ANO6: variants seen among roughly 807,000 people sequenced by gnomAD.
ANO6 encodes anoctamin 6.
ANO6 carries 106 observed loss-of-function variants against 117.5 expected under a neutral mutation model. The observed-to-expected ratio is 0.90, with a 90% CI of 0.77 to 1.06. The LOEUF (loss-of-function observed/expected upper bound fraction) is 1.06. Ranked by LOEUF, ANO6 falls within the 50% of genes least tolerant of loss-of-function variation. ANO6 has a pLI of 0.00. For missense variants in ANO6, 955 were observed against 1,121.1 expected (o/e 0.85, Z 2.12); for synonymous variants, 367 against 385.1 (o/e 0.95, Z 0.55).
rs1429966746 is a variant in ANO6 at position 45,377,040 on chromosome 12, G to T, written c.1105-1013G>T. 2.0e-5 allele frequency among the ~76,000 whole-genome samples: 3 copies of T among 151,892 alleles called. No individual in the cohort carries two copies. The South Asian group carries it at 6.2e-4, about 32-fold the overall frequency. On this transcript the variant is annotated intron_variant, in intron 9 of 19. Transcript: ENST00000320560. ...AACTAATATTTTTACATAGATGAAG[G>T]TTTATCCACTTTACATGAGTATGAA...
intron 4 of ANO6, 78 bp downstream of exon 4, chr12:45,347,165 A>G: frequency 7.4e-7 from 1 of 1,347,206 alleles, no homozygotes; most frequent in South Asian, 1.2e-5. Flanking sequence ...TACTTGGGTG[A>G]CATTGGAAAC....
intron 9 of ANO6, 113 bp from the exon 10 acceptor site, chr12:45,377,940 G>T (rs964347671): frequency 5.5e-5 from 51 of 933,540 alleles, no homozygotes; most frequent in Admixed American, 1.1e-4. Flanking sequence ...GTTAAACTAG[G>T]CATCACCTTT....
At chr12:45,267,292 G>C (rs1020984894) in intron 1 of ANO6, among the ~76,000 whole-genome samples, 5 of 152,070 alleles carry the variant, frequency 3.3e-5, no homozygotes, top group Non-Finnish European at 5.9e-5. Context: ...ATGCACTCTG[G>C]TATCTTTCTG....
chr12:45,340,465 G>C (rs1481348691), intron 3 of ANO6, among the ~76,000 whole-genome samples: 1 of 152,098 alleles, frequency 6.6e-6, no homozygotes, highest in Non-Finnish European at 1.5e-5. Flanking sequence ...TGCTCCCATA[G>C]AGATGTACAC....
intron 1 of ANO6, among the ~76,000 whole-genome samples, chr12:45,290,053 C>T (rs1939044836): frequency 6.6e-6 from 1 of 152,138 alleles, no homozygotes; most frequent in Non-Finnish European, 1.5e-5. Context: ...CATTATCCTC[C>T]CCCTCAAATG....
chr12:45,424,919 C>A (rs1943463418), intron 19 of ANO6, among the ~76,000 whole-genome samples: 1 of 151,256 alleles, frequency 6.6e-6, no homozygotes, highest in Non-Finnish European at 1.5e-5. Context: ...AGCACACAAC[C>A]AAAGATGGTC....
chr12:45,258,252 A>G (rs1314482355), intron 1 of ANO6, among the ~76,000 whole-genome samples: 1 of 152,220 alleles, frequency 6.6e-6, no homozygotes, highest in Non-Finnish European at 1.5e-5. Flanking sequence ...GATGCTAGTA[A>G]ATACTTAATT....
chr12:45,384,133 C>T (rs1942237310), intron 10 of ANO6, among the ~76,000 whole-genome samples: 1 of 152,216 alleles, frequency 6.6e-6, no homozygotes, highest in Non-Finnish European at 1.5e-5. Flanking sequence ...CCTTAAACCT[C>T]ATGAACCAAC....
At chr12:45,425,649 T>A (rs1943483527) in intron 19 of ANO6, among the ~76,000 whole-genome samples, 2 of 152,190 alleles carry the variant, frequency 1.3e-5, no homozygotes, top group Admixed American at 6.5e-5. Flanking sequence ...ATTTCTACAA[T>A]GAAAACACCA....
chr12:45,337,759 A>T (rs1281943216), intron 3 of ANO6, among the ~76,000 whole-genome samples: 2 of 152,064 alleles, frequency 1.3e-5, no homozygotes, highest in Non-Finnish European at 2.9e-5. Context: ...TATATTCTTG[A>T]AAACTGCTAA....
chr12:45,287,748 A>G (rs1938963324), intron 1 of ANO6, among the ~76,000 whole-genome samples: 1 of 152,198 alleles, frequency 6.6e-6, no homozygotes, highest in Non-Finnish European at 1.5e-5. Context: ...GGGAAGACAC[A>G]GTGGAGGGTA....
chr12:45,272,645 G>A (rs1401390699), intron 1 of ANO6, among the ~76,000 whole-genome samples: 1 of 152,154 alleles, frequency 6.6e-6, no homozygotes, highest in East Asian at 1.9e-4. Context: ...ACACAAATAA[G>A]TTGATGAGAA....
At chr12:45,389,379 C>G (rs1942382256) in intron 11 of ANO6, among the ~76,000 whole-genome samples, 1 of 152,120 alleles carries the variant, frequency 6.6e-6, no homozygotes, top group Admixed American at 6.5e-5. Context: ...AAAGCCAAAA[C>G]TTAAACAAAA....
intron 3 of ANO6, among the ~76,000 whole-genome samples, chr12:45,331,845 G>A (rs1221637806): frequency 4.6e-5 from 7 of 152,092 alleles, no homozygotes; most frequent in African/African-American, 7.2e-5. Flanking sequence ...CATACAGCAT[G>A]AAGTGGGTTC....
chr12:45,332,889 A>C (rs1450156230), intron 3 of ANO6, among the ~76,000 whole-genome samples: 1 of 152,098 alleles, frequency 6.6e-6, no homozygotes, highest in Non-Finnish European at 1.5e-5. Context: ...GCTACTGGTC[A>C]GAACTCAGAA....
intron 1 of ANO6, among the ~76,000 whole-genome samples, chr12:45,238,826 T>G (rs1328637478): frequency 6.6e-6 from 1 of 152,206 alleles, no homozygotes; most frequent in Non-Finnish European, 1.5e-5. Context: ...TGGTTCTGTT[T>G]ATGTGATGGA....
chr12:45,318,651 T>C (rs1940139063), intron 2 of ANO6, among the ~76,000 whole-genome samples: 1 of 152,176 alleles, frequency 6.6e-6, no homozygotes, highest in African/African-American at 2.4e-5. Flanking sequence ...TTTTTTCCAA[T>C]TCTGTGAAGA....
intron 2 of ANO6, among the ~76,000 whole-genome samples, chr12:45,323,244 A>T (rs1180673311): frequency 1.3e-5 from 2 of 152,210 alleles, no homozygotes; most frequent in Admixed American, 6.5e-5. Flanking sequence ...AAAGACTAAA[A>T]GCCTCTGATG....
At chr12:45,369,156 T>G (rs955904270) in intron 9 of ANO6, among the ~76,000 whole-genome samples, 4 of 152,214 alleles carry the variant, frequency 2.6e-5, no homozygotes, top group African/African-American at 9.6e-5. Flanking sequence ...ATTTAGAAAT[T>G]AAGCCCCCTC....
Sources: allele counts gnomAD v4.1 joint callset (sites outside exome capture counted in the v4.1 genomes callset), GRCh38; gene constraint gnomAD v4.1.1; transcripts MANE v1.5; gene names NCBI Gene and HGNC (gene_info 2026-07-23, HGNC 2026-07-21).